PTPN4: variants seen among roughly 807,000 people sequenced by gnomAD.
PTPN4 encodes protein tyrosine phosphatase non-receptor type 4.
Under a neutral mutation model 135.5 loss-of-function variants are expected in PTPN4, and 49 were observed. The observed-to-expected ratio is 0.36, with a 90% CI of 0.29 to 0.46. The LOEUF (loss-of-function observed/expected upper bound fraction) is 0.46, where lower values mean the gene tolerates loss of function less well. PTPN4 is among the 20% of genes least tolerant of loss of function. PTPN4 has a pLI of 1.00. For synonymous variants in PTPN4, 333 were observed against 369.9 expected, an observed-to-expected ratio of 0.90 and a Z score of 1.14; for missense variants, 860 against 1,101.0, an observed-to-expected ratio of 0.78 and a Z score of 3.10.
chr2:119,887,748 A>G (rs1678180744), intron 9 of PTPN4, among the ~76,000 whole-genome samples: 1 of 152,104 alleles, frequency 6.6e-6, no homozygotes, highest in Admixed American at 6.5e-5. Context: ...GTATGTTTTT[A>G]TATCAGTACC....
At chr2:119,895,835 T>G (rs1678315486) in intron 9 of PTPN4, among the ~76,000 whole-genome samples, 1 of 149,718 alleles carries the variant, frequency 6.7e-6, no homozygotes, top group African/African-American at 2.5e-5. Context: ...GAGAACGGCG[T>G]GAACCCAGGA....
rs1431218715 is a variant in PTPN4 at position 119,879,927 on chromosome 2, TC to T, written c.369-1858del. Among the ~76,000 whole-genome samples the T allele has an allele frequency of 2.0e-5, 3 of 151,310 alleles. No homozygotes were observed. In the East Asian group the frequency reaches 5.8e-4, roughly 29 times the overall value. On this transcript the variant is annotated intron_variant, in intron 5 of 26. Coordinates refer to ENST00000263708, the MANE Select transcript of PTPN4 (RefSeq NM_002830.4). ...AGTGAGCCAAGAGGAGAAAATAAAC[TC>T]TATGTAATACTAAATTAATTTTTAA...
chr2:119,777,380 T>G (rs1405288742), intron 1 of PTPN4, among the ~76,000 whole-genome samples: 1 of 152,212 alleles, frequency 6.6e-6, no homozygotes, highest in African/African-American at 2.4e-5. Flanking sequence ...TGTTCTCCTT[T>G]GCTTACCACC....
chr2:119,865,087 A>ATATT (rs1677813326), intron 3 of PTPN4, among the ~76,000 whole-genome samples: 1 of 152,120 alleles, frequency 6.6e-6, no homozygotes. Flanking sequence ...CTGCAGTTTC[A>ATATT]TTATTTAAAT....
At chr2:119,895,685 G>C (rs1678311205) in intron 9 of PTPN4, among the ~76,000 whole-genome samples, 1 of 152,094 alleles carries the variant, frequency 6.6e-6, no homozygotes, top group Non-Finnish European at 1.5e-5. Context: ...ACTTTGGGAG[G>C]CCAAGGCAGG....
intron 12 of PTPN4, among the ~76,000 whole-genome samples, chr2:119,925,174 C>T (rs1003535227): frequency 3.3e-5 from 5 of 152,160 alleles, no homozygotes; most frequent in African/African-American, 9.6e-5. Flanking sequence ...TCTCACTATA[C>T]CCTATCCCCA....
chr2:119,963,897 A>G (rs1048680056), intron 24 of PTPN4, among the ~76,000 whole-genome samples: 1 of 152,200 alleles, frequency 6.6e-6, no homozygotes, highest in Non-Finnish European at 1.5e-5. Context: ...TAGATTATCC[A>G]TGACAGTTTT....
chr2:119,893,875 G>A (rs1678277556), intron 9 of PTPN4, among the ~76,000 whole-genome samples: 1 of 151,904 alleles, frequency 6.6e-6, no homozygotes, highest in African/African-American at 2.4e-5. Context: ...TGGAGGTGCA[G>A]TGATGGCCAA....
At chr2:119,877,723 G>A (rs1445272803) in intron 5 of PTPN4, among the ~76,000 whole-genome samples, 181 bp downstream of exon 5, 1 of 152,194 alleles carries the variant, frequency 6.6e-6, no homozygotes. Context: ...CTGGGAGAGT[G>A]TAAGGGGATT....
chr2:119,941,356 A>G (rs1416841986), intron 15 of PTPN4, among the ~76,000 whole-genome samples: 1 of 151,912 alleles, frequency 6.6e-6, no homozygotes, highest in African/African-American at 2.4e-5. Context: ...CCTTTGCCCA[A>G]TATTTGAATT....
chr2:119,944,407 T>A (rs72952808), intron 15 of PTPN4, among the ~76,000 whole-genome samples: 3,263 of 152,334 alleles, frequency 0.021, 117 homozygotes, highest in African/African-American at 0.074. Context: ...CATTTTATGC[T>A]TGTTAAAAGC....
chr2:119,881,913 C>T (rs1558753728), intron 6 of PTPN4, 83 bp downstream of exon 6: 6 of 1,160,184 alleles, frequency 5.2e-6, no homozygotes, highest in Non-Finnish European at 7.5e-6. Context: ...AATTCATGGT[C>T]ATTGCAAACA....
intron 2 of PTPN4, among the ~76,000 whole-genome samples, chr2:119,824,757 G>A (rs1319963092): frequency 6.6e-6 from 1 of 151,274 alleles, no homozygotes; most frequent in Non-Finnish European, 1.5e-5. Flanking sequence ...GTGTGATCTC[G>A]GCTCACTGCA....
intron 1 of PTPN4, among the ~76,000 whole-genome samples, chr2:119,778,808 C>T (rs1465047588): frequency 6.6e-6 from 1 of 152,140 alleles, no homozygotes; most frequent in Non-Finnish European, 1.5e-5. Context: ...AGAGGACATA[C>T]AAAGGACATT....
At position 119,971,206 on chromosome 2, in the gene PTPN4, C is replaced by G. The variant is rs548036576; in HGVS notation, c.2694+3234C>G. Among the ~76,000 whole-genome samples the G allele has an allele frequency of 3.9e-5, 6 of 152,286 alleles. No homozygotes were observed. The South Asian group carries it at 1.2e-3, about 32-fold the overall frequency. ...TGGTGGAAGGCAAAGGGGAAGCAAGCAGGTCTTCACATGGCCGGCGGGAGA... is the reference window on the plus strand; with the variant it reads ...TGGTGGAAGGCAAAGGGGAAGCAAGGAGGTCTTCACATGGCCGGCGGGAGA... On this transcript the variant is annotated intron_variant, in intron 26 of 26. Transcript: ENST00000263708.
At chr2:119,796,738 A>G (rs1175308849) in intron 1 of PTPN4, among the ~76,000 whole-genome samples, 2 of 152,200 alleles carry the variant, frequency 1.3e-5, no homozygotes, top group African/African-American at 4.8e-5. Flanking sequence ...AATATGTTCA[A>G]TTTTGTAAGA....
chr2:119,875,745 A>G (rs149570466), intron 3 of PTPN4, among the ~76,000 whole-genome samples: 1 of 152,218 alleles, frequency 6.6e-6, no homozygotes, highest in East Asian at 1.9e-4. Context: ...TTTTGACAGT[A>G]TTTTTAACTC....
In PTPN4 at chr2:119,882,160, G is replaced by A; in HGVS notation, c.466+11G>A. 1 of 1,599,746 alleles carries A rather than the reference G, an allele frequency of 6.3e-7. No homozygotes were observed. Among genetic ancestry groups the A allele is most frequent in the Non-Finnish European group, 8.6e-7 (1 of 1,167,328 alleles). On this transcript the variant is annotated intron_variant, in intron 7 of 26. Coordinates refer to ENST00000263708, the MANE Select transcript of PTPN4 (RefSeq NM_002830.4). Reference sequence around the variant, plus strand: ...CATTTGCTGTTCAGTGTAAGTATCAGCCCATTTTTAGGTCAAATAGCATAT... The same window carrying A: ...CATTTGCTGTTCAGTGTAAGTATCAACCCATTTTTAGGTCAAATAGCATAT...
chr2:119,773,660 C>T (rs1166099533), intron 1 of PTPN4, among the ~76,000 whole-genome samples: 1 of 150,422 alleles, frequency 6.6e-6, no homozygotes, highest in African/African-American at 2.5e-5. Flanking sequence ...CACTTGAACC[C>T]AGGAGGCAGA....
Sources: allele counts gnomAD v4.1 joint callset (sites outside exome capture counted in the v4.1 genomes callset), GRCh38; gene constraint gnomAD v4.1.1; transcripts MANE v1.5; gene names NCBI Gene and HGNC (gene_info 2026-07-23, HGNC 2026-07-21).